The following AP1B1 variants were observed in gnomAD, a reference collection of about 807,000 sequenced individuals.
AP1B1 encodes the protein AP-1 complex subunit beta-1.
AP1B1 carries 36 observed loss-of-function variants against 104.3 expected under a neutral mutation model. The ratio of observed to expected loss-of-function variants is 0.35; its 90% CI spans 0.26 to 0.46. AP1B1 has a LOEUF of 0.46. Among genes scored for constraint, AP1B1 ranks in the 20% least tolerant of loss-of-function variants. The pLI is 1.00. For synonymous variants in AP1B1, 504 were observed against 517.5 expected, an observed-to-expected ratio of 0.97 and a Z score of 0.35; for missense variants, 901 against 1,247.9, an observed-to-expected ratio of 0.72 and a Z score of 4.19.
chr22:29,355,805 T>C (rs1426200683), intron 6 of AP1B1, among the ~76,000 whole-genome samples: 1 of 147,484 alleles, frequency 6.8e-6, no homozygotes, highest in Non-Finnish European at 1.5e-5. Context: ...GAGAATTGAT[T>C]GAGCCCTGCA....
chr22:29,339,238 G>A, intron 15 of AP1B1, 105 bp from the exon 16 acceptor site: 1 of 1,332,124 alleles, frequency 7.5e-7, no homozygotes, highest in Non-Finnish European at 1.1e-6. Flanking sequence ...CTGGGGGCAG[G>A]GGGCAGGACA....
chr22:29,362,226 G>A (rs542831881), intron 3 of AP1B1, among the ~76,000 whole-genome samples: 22 of 152,346 alleles, frequency 1.4e-4, no homozygotes, highest in African/African-American at 4.6e-4. Context: ...GCTGCACACC[G>A]GTGACAAATT....
At chr22:29,333,478 G>T (rs1217981797) in intron 17 of AP1B1, among the ~76,000 whole-genome samples, 1 of 152,170 alleles carries the variant, frequency 6.6e-6, no homozygotes, top group Non-Finnish European at 1.5e-5. Context: ...TCCTATGTGG[G>T]GTGTTTGCCA....
At chr22:29,362,268 T>G (rs1569161629) in intron 3 of AP1B1, among the ~76,000 whole-genome samples, 1 of 152,144 alleles carries the variant, frequency 6.6e-6, no homozygotes, top group Non-Finnish European at 1.5e-5. Context: ...GTGTTTTACT[T>G]GCACCACACA....
rs577673515 is a variant in AP1B1 at position 29,354,022 on chromosome 22, C to G, written c.938+628G>C. Among the ~76,000 whole-genome samples the G allele has an allele frequency of 2.6e-5, 4 of 152,312 alleles. No homozygotes were observed. In the South Asian group the frequency reaches 8.3e-4, roughly 32 times the overall value. On this transcript the variant is annotated intron_variant, in intron 7 of 22. Transcript: ENST00000357586. The stretch of plus-strand genomic sequence containing the variant: ...ATGGTTTTTCTGCTCTCGCCTACCC[C>G]CCACTACCATACCACGTGCCCTGGG...
At chr22:29,374,387 C>T (rs189598554) in intron 1 of AP1B1, among the ~76,000 whole-genome samples, 1 of 152,162 alleles carries the variant, frequency 6.6e-6, no homozygotes, top group East Asian at 1.9e-4. Flanking sequence ...CAATAAAAAG[C>T]CAAAAGCCGT....
chr22:29,335,187 G>C (rs1404514171), intron 16 of AP1B1, among the ~76,000 whole-genome samples: 2 of 152,154 alleles, frequency 1.3e-5, no homozygotes, highest in Non-Finnish European at 2.9e-5. Flanking sequence ...TGAGCAAACA[G>C]GATGAGTTAG....
intron 7 of AP1B1, among the ~76,000 whole-genome samples, chr22:29,353,170 G>A (rs2061903928): frequency 6.6e-6 from 1 of 152,142 alleles, no homozygotes; most frequent in Non-Finnish European, 1.5e-5. Context: ...AGAACAGAGA[G>A]GAGGAAGGAA....
In AP1B1 at chr22:29,364,733, T is replaced by A. The variant is rs527407358; in HGVS notation, c.38-1627A>T. The stretch of plus-strand genomic sequence containing the variant: ...CCGGCCATTTTTTTTTTTTGAGACA[T>A]AGTCTCACTCTGTCACCCAGGCTGG... On this transcript the variant is annotated intron_variant, in intron 2 of 22. Transcript: ENST00000357586. Among the ~76,000 whole-genome samples the A allele has an allele frequency of 1.7e-3, 231 of 135,176 alleles. 1 individual carries two copies. Among genetic ancestry groups the A allele is most frequent in the African/African-American group, 6.3e-3 (224 of 35,320 alleles). The allele number at this position is 135,176 out of a possible 152,430, so 88.7% of individuals were successfully genotyped here.
chr22:29,342,451 G>A (rs1196156954), intron 11 of AP1B1, 68 bp from the exon 12 acceptor site: 4 of 1,331,572 alleles, frequency 3.0e-6, no homozygotes, highest in South Asian at 1.2e-5. Flanking sequence ...GAACAAAAAG[G>A]CTTGAAGAGG....
chr22:29,383,586 G>A (rs1201956144), intron 1 of AP1B1, among the ~76,000 whole-genome samples: 1 of 149,842 alleles, frequency 6.7e-6, no homozygotes, highest in Non-Finnish European at 1.5e-5. Flanking sequence ...GCGGGCGCCT[G>A]TAATCCCAGC....
rs1021615334 is a variant in AP1B1, at chr22:29,374,500, G to A, written c.-27-7230C>T. ...AGGAGAATGGCAGAGGATGTGGACA[G>A]TTCACAGAAAGTGAATTAATATAAT... On this transcript the variant is annotated intron_variant, in intron 1 of 22. Coordinates refer to ENST00000357586, the MANE Select transcript of AP1B1 (RefSeq NM_001127.4). 7.2e-5 allele frequency among the ~76,000 whole-genome samples: 11 copies of A among 152,338 alleles called. 1 individual carries two copies. The highest frequency in any genetic ancestry group is 2.6e-4 in the African/African-American group (11 of 41,576).
In AP1B1 at chr22:29,331,821, G is replaced by C; in HGVS notation, c.2405C>G (p.Ser802Trp). 2 of 1,613,570 alleles carry C rather than the reference G, an allele frequency of 1.2e-6. No individual in the cohort carries two copies. The highest frequency in any genetic ancestry group is 2.2e-5 in the South Asian group (2 of 91,042). Reference protein sequence around the residue: ...EISLPLSTVGSVMKMEPLNNL... With the variant: ...EISLPLSTVGWVMKMEPLNNL... ...GTTCAGAGGCTCCATCTTCATGACC[G>C]AGCCCACCGTGCTGAGAGGCAGGGA... Residue 802 changes from serine (S) to tryptophan (W), a missense_variant, in exon 18 of 23, where the codon TCG (serine) becomes TGG (tryptophan). Coordinates refer to ENST00000357586, the MANE Select transcript of AP1B1 (RefSeq NM_001127.4).
chr22:29,331,765 G>A (rs1176430658), intron 18 of AP1B1, 22 bp downstream of exon 18: 5 of 1,614,164 alleles, frequency 3.1e-6, no homozygotes, highest in African/African-American at 1.3e-5. Flanking sequence ...GGACTGGGGT[G>A]CCTGCCCTGC....
chr22:29,360,820 A>G (rs1251409307), intron 3 of AP1B1, among the ~76,000 whole-genome samples: 1 of 152,216 alleles, frequency 6.6e-6, no homozygotes, highest in Non-Finnish European at 1.5e-5. Context: ...GTTAGAGATC[A>G]ATTTTCTATC....
At chr22:29,387,305 CTTTTTTTTT>C (rs1014176421) in intron 1 of AP1B1, among the ~76,000 whole-genome samples, 9 of 128,076 alleles carry the variant, frequency 7.0e-5, no homozygotes, top group Admixed American at 3.1e-4. Context: ...AGCTAAAAAT[CTTTTTTTTT>C]TTTTTTTTTT....
chr22:29,330,435 G>A lies in AP1B1; in HGVS notation c.2709C>T (p.Thr903=). The A allele has an allele frequency of 6.2e-7, 1 of 1,613,912 alleles. No homozygotes were observed. Among genetic ancestry groups the A allele is most frequent in the Non-Finnish European group, 8.5e-7 (1 of 1,179,980 alleles). The change falls in exon 21 of 23, where the codon ACC becomes ACT. Residue 903 remains threonine (T), a synonymous_variant. Coordinates refer to ENST00000357586, the MANE Select transcript of AP1B1 (RefSeq NM_001127.4). ...QDMLYQSLKL[T]NGIWVLAELR... ...GCTCCGCCAGCACCCAGATGCCGTT[G>A]GTCAGCTTCAGGGACTGGTAGAGCA...
intron 13 of AP1B1, 53 bp from the exon 14 acceptor site, chr22:29,340,910 A>T: frequency 3.5e-5 from 53 of 1,523,602 alleles, no homozygotes; most frequent in Non-Finnish European, 4.6e-5. Context: ...AGGAAGGTCA[A>T]AGAGACCCCA....
At chr22:29,383,968 T>C (rs1052122536) in intron 1 of AP1B1, among the ~76,000 whole-genome samples, 1 of 152,114 alleles carries the variant, frequency 6.6e-6, no homozygotes, top group African/African-American at 2.4e-5. Context: ...TGTAGAACCA[T>C]AGCCAAGTCC....
Sources: allele counts gnomAD v4.1 joint callset (sites outside exome capture counted in the v4.1 genomes callset), GRCh38; gene constraint gnomAD v4.1.1; transcripts MANE v1.5; gene names NCBI Gene and HGNC (gene_info 2026-07-23, HGNC 2026-07-21).